The following SYT1 variants were observed in gnomAD, a reference collection of about 807,000 sequenced individuals.
The protein encoded by SYT1 is synaptotagmin-1.
A neutral mutation model predicts 44.8 loss-of-function variants in SYT1; 8 were observed. The ratio of observed to expected loss-of-function variants is 0.18; its 90% CI spans 0.10 to 0.32. The LOEUF (loss-of-function observed/expected upper bound fraction) is 0.32. Ranked by LOEUF, SYT1 falls within the 10% of genes least tolerant of loss-of-function variation. The pLI is 1.00. For synonymous variants in SYT1, 154 were observed against 188.8 expected, an observed-to-expected ratio of 0.82 and a Z score of 1.51; for missense variants, 286 against 509.3, an observed-to-expected ratio of 0.56 and a Z score of 4.22.
chr12:79,192,284 A>G (rs1294775738), intron 3 of SYT1, among the ~76,000 whole-genome samples: 1 of 152,214 alleles, frequency 6.6e-6, no homozygotes, highest in African/African-American at 2.4e-5. Flanking sequence ...GATGCAGAGT[A>G]GGAAAATCAT....
At chr12:79,320,911 A>G (rs1881331269) in intron 8 of SYT1, among the ~76,000 whole-genome samples, 2 of 151,730 alleles carry the variant, frequency 1.3e-5, no homozygotes, top group African/African-American at 4.8e-5. Context: ...GTGAGCCACC[A>G]CACCTGGCCT....
chr12:79,331,386 GC>G (rs1320678729), intron 8 of SYT1, among the ~76,000 whole-genome samples: 1 of 152,074 alleles, frequency 6.6e-6, no homozygotes, highest in Non-Finnish European at 1.5e-5. Context: ...GACTTCAACT[GC>G]CTAAAGGCTT....
intron 1 of SYT1, among the ~76,000 whole-genome samples, chr12:78,906,924 G>A (rs545781265): frequency 7.9e-5 from 12 of 152,114 alleles, no homozygotes; most frequent in South Asian, 6.2e-4. Flanking sequence ...CTTCATAACC[G>A]CACATGAAAA....
intron 1 of SYT1, among the ~76,000 whole-genome samples, chr12:78,934,127 T>C (rs1592578927): frequency 6.6e-6 from 1 of 151,370 alleles, no homozygotes; most frequent in Non-Finnish European, 1.5e-5. Context: ...CATATGTGTG[T>C]GTATATATGT....
chr12:79,221,816 T>G (rs6539308), intron 4 of SYT1, among the ~76,000 whole-genome samples: 107,427 of 152,036 alleles, frequency 0.71, 38,479 homozygotes, highest in African/African-American at 0.78. Context: ...TCATACTGAA[T>G]TTATAAGTAA....
chr12:79,199,173 G>A (rs1048261412), intron 3 of SYT1, among the ~76,000 whole-genome samples: 1 of 152,006 alleles, frequency 6.6e-6, no homozygotes, highest in Admixed American at 6.6e-5. Context: ...TCTTTGGAAG[G>A]CTGTTTGTCA....
chr12:79,200,499 C>G (rs1318354653), intron 3 of SYT1, among the ~76,000 whole-genome samples: 6 of 152,072 alleles, frequency 3.9e-5, no homozygotes, highest in Non-Finnish European at 5.9e-5. Context: ...GCACAGTCCT[C>G]TGAAACTCAA....
chr12:79,028,702 T>C (rs1186981503), intron 2 of SYT1, among the ~76,000 whole-genome samples: 1 of 151,424 alleles, frequency 6.6e-6, no homozygotes, highest in Non-Finnish European at 1.5e-5. Flanking sequence ...TACTTTGGTC[T>C]AAAATGTGCC....
intron 1 of SYT1, among the ~76,000 whole-genome samples, chr12:78,922,221 T>C (rs1877047776): frequency 6.6e-6 from 1 of 151,894 alleles, no homozygotes; most frequent in Admixed American, 6.6e-5. Flanking sequence ...CTGTTCTCCA[T>C]ATTTAACACT....
chr12:79,066,633 C>T (rs78010295), intron 3 of SYT1, among the ~76,000 whole-genome samples: 5,130 of 152,038 alleles, frequency 0.034, 117 homozygotes, highest in African/African-American at 0.055. Flanking sequence ...ATTCAATTTA[C>T]AAATGGGGAT....
intron 3 of SYT1, among the ~76,000 whole-genome samples, chr12:79,196,421 C>T (rs1330903497): frequency 6.6e-6 from 1 of 152,108 alleles, no homozygotes; most frequent in Non-Finnish European, 1.5e-5. Context: ...CCTCCTCAGC[C>T]TCCCAAAGTA....
intron 1 of SYT1, among the ~76,000 whole-genome samples, chr12:78,961,058 T>C (rs1467576406): frequency 1.3e-5 from 2 of 148,882 alleles, no homozygotes; most frequent in Non-Finnish European, 2.9e-5. Flanking sequence ...CCATTGAGTA[T>C]TTTTTTGTTG....
chr12:79,176,499 T>G (rs1871876668), intron 3 of SYT1, among the ~76,000 whole-genome samples: 2 of 151,996 alleles, frequency 1.3e-5, no homozygotes, highest in Non-Finnish European at 2.9e-5. Flanking sequence ...AGCTAAATAC[T>G]CCATGTTGAT....
intron 9 of SYT1, among the ~76,000 whole-genome samples, chr12:79,430,985 T>A (rs1409550097): frequency 1.3e-5 from 2 of 151,994 alleles, no homozygotes; most frequent in Non-Finnish European, 2.9e-5. Context: ...AGTGAGTGAG[T>A]GAATAAATGA....
intron 1 of SYT1, among the ~76,000 whole-genome samples, chr12:78,914,888 C>A (rs1347040240): frequency 2.0e-5 from 3 of 151,860 alleles, no homozygotes; most frequent in Non-Finnish European, 4.4e-5. Context: ...AATTATAATA[C>A]AAAAGTGAAG....
At chr12:78,876,898 T>TATATGTATTATATATAATACGCATA (rs1565697970) in intron 1 of SYT1, among the ~76,000 whole-genome samples, 1 of 17,110 alleles carries the variant, frequency 5.8e-5, no homozygotes, top group African/African-American at 1.5e-4. Flanking sequence ...TAATATATAT[T>TATATGTATTATATATAATACGCATA]ATATATTATA....
chr12:79,402,504 G>A (rs1392861210), intron 9 of SYT1, among the ~76,000 whole-genome samples: 1 of 152,122 alleles, frequency 6.6e-6, no homozygotes, highest in East Asian at 1.9e-4. Flanking sequence ...ACTCTTGGAT[G>A]GGCAGCCTAA....
intron 4 of SYT1, among the ~76,000 whole-genome samples, chr12:79,284,766 G>A (rs1451540319): frequency 6.6e-6 from 1 of 151,392 alleles, no homozygotes; most frequent in African/African-American, 2.4e-5. Flanking sequence ...TTGAACCCAG[G>A]AGGCAGAGTT....
At chr12:79,220,005 G>A (rs1001802116) in intron 4 of SYT1, among the ~76,000 whole-genome samples, 3 of 152,018 alleles carry the variant, frequency 2.0e-5, no homozygotes, top group Admixed American at 6.5e-5. Context: ...AGAAGAAACG[G>A]TATTAGTTCT....
Sources: allele counts gnomAD v4.1 joint callset (sites outside exome capture counted in the v4.1 genomes callset), GRCh38; gene constraint gnomAD v4.1.1; transcripts MANE v1.5; gene names NCBI Gene and HGNC (gene_info 2026-07-23, HGNC 2026-07-21).